The following KCNMA1 variants were observed in gnomAD, a reference collection of about 807,000 sequenced individuals.
KCNMA1 encodes potassium calcium-activated channel subfamily M alpha 1.
A neutral mutation model predicts 140.0 loss-of-function variants in KCNMA1; 29 were observed. The observed-to-expected ratio is 0.21, with a 90% CI of 0.15 to 0.28. The LOEUF is 0.28. KCNMA1 is among the 10% of genes least tolerant of loss of function. The pLI is 1.00. For synonymous variants in KCNMA1, 612 were observed against 611.9 expected (o/e 1.00, Z 0.00); for missense variants, 880 against 1,602.2 (o/e 0.55, Z 7.70).
intron 15 of KCNMA1, among the ~76,000 whole-genome samples, chr10:77,036,530 T>C (rs1371145648): frequency 6.6e-6 from 1 of 152,258 alleles, no homozygotes; most frequent in African/African-American, 2.4e-5. Context: ...CATATTGTTT[T>C]AGCGCAGCGC....
At chr10:77,008,043 G>C (rs2153438740) in intron 18 of KCNMA1, 1 of 792,546 alleles carries the variant, frequency 1.3e-6, no homozygotes, top group East Asian at 2.7e-5. Context: ...AAGGAGTTGG[G>C]GCATGATGTC....
intron 2 of KCNMA1, among the ~76,000 whole-genome samples, chr10:77,344,586 T>C (rs988664167): frequency 7.2e-6 from 1 of 138,274 alleles, no homozygotes; most frequent in African/African-American, 3.0e-5. Context: ...GCTTTCTCTA[T>C]TTTTTTTTTT....
At chr10:77,239,573 G>T (rs1266673641) in intron 3 of KCNMA1, among the ~76,000 whole-genome samples, 1 of 152,192 alleles carries the variant, frequency 6.6e-6, no homozygotes, top group Admixed American at 6.6e-5. Context: ...GGTAAAAGGT[G>T]GTGTGAGTGT....
At chr10:77,181,757 C>T (rs1170390576) in intron 5 of KCNMA1, among the ~76,000 whole-genome samples, 3 of 151,860 alleles carry the variant, frequency 2.0e-5, no homozygotes, top group South Asian at 2.1e-4. Flanking sequence ...GGATACGATA[C>T]GGAGAAAATA....
chr10:76,958,983 G>T (rs998360348), intron 20 of KCNMA1, among the ~76,000 whole-genome samples: 1 of 151,972 alleles, frequency 6.6e-6, no homozygotes, highest in Non-Finnish European at 1.5e-5. Context: ...GTCCATTTAA[G>T]GGGGGGAAAA....
At chr10:77,620,697 G>A (rs770787977) in intron 1 of KCNMA1, among the ~76,000 whole-genome samples, 4 of 152,052 alleles carry the variant, frequency 2.6e-5, no homozygotes, top group Admixed American at 2.6e-4. Flanking sequence ...CTCCCTCTAC[G>A]GCCAGTTCTG....
chr10:77,517,059 A>G (rs1009087914), intron 1 of KCNMA1, among the ~76,000 whole-genome samples: 1 of 151,708 alleles, frequency 6.6e-6, no homozygotes, highest in Non-Finnish European at 1.5e-5. Flanking sequence ...GCATGTGAAC[A>G]TGCGTGTGTG....
Position 76,885,186 on chromosome 10 carries a change from A to C in KCNMA1, c.*2080T>G, listed in dbSNP as rs1589490224. The C allele has an allele frequency of 9.4e-7, 1 of 1,060,768 alleles. No homozygotes were observed. The highest frequency in any genetic ancestry group is 4.2e-5 in the East Asian group (1 of 23,622). 65.7% of individuals were successfully genotyped at this position (1,060,768 alleles called of 1,614,324 possible). ...GAAGAGCTCTTCATGATCCAATACTAGGGGATACATATATATAGTTATATA... is the reference window on the plus strand; with the variant it reads ...GAAGAGCTCTTCATGATCCAATACTCGGGGATACATATATATAGTTATATA... On this transcript the variant is annotated 3_prime_UTR_variant, in exon 28 of 28. Transcript: ENST00000286628.
intron 1 of KCNMA1, among the ~76,000 whole-genome samples, chr10:77,443,526 G>A (rs953658443): frequency 2.0e-5 from 3 of 152,118 alleles, no homozygotes; most frequent in Non-Finnish European, 2.9e-5. Flanking sequence ...CCCAGCACAC[G>A]AGGAATCTAC....
At chr10:77,095,919 T>C (rs897083001) in intron 9 of KCNMA1, among the ~76,000 whole-genome samples, 6 of 152,102 alleles carry the variant, frequency 3.9e-5, no homozygotes, top group African/African-American at 1.4e-4. Flanking sequence ...AAGATGACTT[T>C]TAGGTCTATG....
At chr10:77,247,869 A>G (rs1039913861) in intron 3 of KCNMA1, among the ~76,000 whole-genome samples, 5 of 152,198 alleles carry the variant, frequency 3.3e-5, no homozygotes, top group East Asian at 1.9e-4. Flanking sequence ...TAACGTAATT[A>G]TCTTTGGTTT....
chr10:77,191,513 T>C (rs1460377964), intron 3 of KCNMA1, among the ~76,000 whole-genome samples: 1 of 152,190 alleles, frequency 6.6e-6, no homozygotes, highest in Non-Finnish European at 1.5e-5. Context: ...ATCTTTCTAA[T>C]ATCGATTCTT....
chr10:77,441,067 C>T (rs1268528664), intron 1 of KCNMA1, among the ~76,000 whole-genome samples: 1 of 152,054 alleles, frequency 6.6e-6, no homozygotes, highest in East Asian at 1.9e-4. Flanking sequence ...TCGTGATCCA[C>T]CTTCCTTGAC....
chr10:77,012,584 C>G, intron 17 of KCNMA1: 1 of 1,533,686 alleles, frequency 6.5e-7, no homozygotes, highest in Non-Finnish European at 8.8e-7. Flanking sequence ...ACGAAAGCCA[C>G]GAGTCAGTGG....
intron 3 of KCNMA1, among the ~76,000 whole-genome samples, chr10:77,210,474 G>A (rs552374535): frequency 8.5e-5 from 13 of 152,134 alleles, no homozygotes; most frequent in African/African-American, 2.9e-4. Context: ...AATGGGCAAA[G>A]CTACAAGCAT....
chr10:77,292,521 G>C (rs559829566), intron 2 of KCNMA1, among the ~76,000 whole-genome samples: 3 of 152,302 alleles, frequency 2.0e-5, no homozygotes, highest in African/African-American at 7.2e-5. Context: ...TGGAAGCACT[G>C]GGCAAAGCCC....
At chr10:77,090,176 C>T (rs1330500638) in intron 10 of KCNMA1, among the ~76,000 whole-genome samples, 1 of 152,186 alleles carries the variant, frequency 6.6e-6, no homozygotes, top group Non-Finnish European at 1.5e-5. Context: ...GAATCGCCTC[C>T]ACAGAGGCAG....
intron 25 of KCNMA1, among the ~76,000 whole-genome samples, chr10:76,897,320 C>T (rs1326200090): frequency 1.3e-5 from 2 of 151,072 alleles, no homozygotes; most frequent in Non-Finnish European, 2.9e-5. Flanking sequence ...ATGTGGCCAA[C>T]TCCTAGACCT....
intron 2 of KCNMA1, among the ~76,000 whole-genome samples, chr10:77,285,269 G>A (rs562114340): frequency 1.3e-5 from 2 of 152,078 alleles, no homozygotes; most frequent in Admixed American, 6.5e-5. Context: ...TCTAAATCAA[G>A]TCTAGTTGTA....
Sources: gnomAD v4.1 joint callset for allele counts (sites outside exome capture counted in the v4.1 genomes callset) on GRCh38, gnomAD v4.1.1 for gene constraint, MANE v1.5 for transcripts, NCBI Gene and HGNC (gene_info 2026-07-23, HGNC 2026-07-21) for gene names.